The following PSMD10 variants were observed in gnomAD, a reference collection of about 807,000 sequenced individuals.
PSMD10 encodes 26S proteasome non-ATPase regulatory subunit 10.
Under a neutral mutation model 13.2 loss-of-function variants are expected in PSMD10, and 2 were observed. That is an observed-to-expected ratio of 0.15 (90% CI 0.06 to 0.48). The LOEUF (loss-of-function observed/expected upper bound fraction) is 0.48. PSMD10 is among the 20% of genes least tolerant of loss of function. The probability of loss-of-function intolerance (pLI) is 0.97; values close to 1 mark genes in which losing one functional copy is unlikely to be tolerated. For synonymous variants in PSMD10, 66 were observed against 64.4 expected (o/e 1.03, Z -0.12); for missense variants, 120 against 167.4 (o/e 0.72, Z 1.56).
In PSMD10 at chrX:108,085,566, A is replaced by G. The variant is rs2031487319; in HGVS notation, c.528-439T>C. ...CTCATTTAGTCCATATATCTATCTTATAAGTTAGCAAAGTATTATTATCAT... is the reference window on the plus strand; with the variant it reads ...CTCATTTAGTCCATATATCTATCTTGTAAGTTAGCAAAGTATTATTATCAT... On this transcript the variant is annotated intron_variant, in intron 4 of 4. Transcript: ENST00000217958. Among the ~76,000 whole-genome samples, 4 of 112,637 alleles carry G rather than the reference A, an allele frequency of 3.6e-5. No individual in the cohort carries two copies. The South Asian group carries it at 1.5e-3, about 41-fold the overall frequency.
intron 2 of PSMD10, 89 bp downstream of exon 2, chrX:108,088,663 T>G: frequency 1.1e-5 from 8 of 718,003 alleles, no homozygotes; most frequent in Non-Finnish European, 1.7e-5. Context: ...ATTTTCTTTA[T>G]AAGCTTAATG....
chrX:108,085,216 T>A, intron 4 of PSMD10, 89 bp from the exon 5 acceptor site: 1 of 873,774 alleles, frequency 1.1e-6, no homozygotes. Flanking sequence ...GAAGTGCATA[T>A]GATTAAGAAA....
At chrX:108,091,378 G>C in intron 1 of PSMD10, 29 bp downstream of exon 1, 1 of 1,186,276 alleles carries the variant, frequency 8.4e-7, no homozygotes, top group Non-Finnish European at 1.1e-6. Flanking sequence ...CGACGTCGCC[G>C]ACTGCGGAGA....
chrX:108,088,694 A>T (rs1010019712), intron 2 of PSMD10, 58 bp downstream of exon 2: 1 of 963,661 alleles, frequency 1.0e-6, no homozygotes, highest in African/African-American at 1.9e-5. Flanking sequence ...AGTAAACACC[A>T]GTCTGGAGTA....
intron 1 of PSMD10, among the ~76,000 whole-genome samples, chrX:108,091,022 A>G (rs2031597739): frequency 8.8e-6 from 1 of 113,207 alleles, no homozygotes; most frequent in Non-Finnish European, 1.9e-5. Context: ...CCGTATCCCC[A>G]GCTCCTAGCA....
intron 1 of PSMD10, 42 bp from the exon 2 acceptor site, chrX:108,088,892 CA>C: frequency 1.0e-6 from 1 of 997,276 alleles, no homozygotes; most frequent in Admixed American, 2.8e-5. Flanking sequence ...AAATAGAAGG[CA>C]AAAAAGCAAG....
At chrX:108,085,229 G>T in intron 4 of PSMD10, 102 bp from the exon 5 acceptor site, 2 of 808,436 alleles carry the variant, frequency 2.5e-6, no homozygotes, top group South Asian at 4.4e-5. Flanking sequence ...TTAAGAAATG[G>T]TAACATTGGA....
rs2031615546 is a variant in PSMD10 at position 108,091,431 on chromosome X, T to C, written c.90A>G (p.Lys30=). The change falls in exon 1 of 5, where the codon AAA becomes AAG. Residue 30 remains lysine, a synonymous_variant. Coordinates refer to ENST00000217958, the MANE Select transcript of PSMD10 (RefSeq NM_002814.4). The part of the protein sequence containing the change: ...EELKESILAD[K]SLATRTDQDS... ...CCTGGTCAGTTCTAGTAGCCAGGGA[T>C]TTATCGGCCAGAATACTCTCCTTCA... 8.3e-7 allele frequency: 1 copy of C among 1,211,103 alleles called. No individual in the cohort carries two copies. Among genetic ancestry groups the C allele is most frequent in the African/African-American group, 1.7e-5 (1 of 57,572 alleles).
At position 108,087,749 on chromosome X, in the gene PSMD10, A is replaced by G. The variant is rs2031513836; in HGVS notation, c.464T>C (p.Ile155Thr). ...TGCTTTGTAGTACAGAAGGATATGA[A>G]TCATCTTCAAGTTACCCTTGGCTGC... ...RAAAKGNLKM[I>T]HILLYYKAST... is the part of the protein sequence containing the mutation. Residue 155 changes from isoleucine to threonine, a missense_variant, in exon 4 of 5, where the codon ATT (isoleucine) becomes ACT (threonine). Transcript: ENST00000217958. 1 of 1,210,065 alleles carries G rather than the reference A, an allele frequency of 8.3e-7. No individual in the cohort carries two copies. Among genetic ancestry groups the G allele is most frequent in the Non-Finnish European group, 1.1e-6 (1 of 895,234 alleles).
At chrX:108,091,108 C>T (rs966553012) in intron 1 of PSMD10, among the ~76,000 whole-genome samples, 2 of 113,521 alleles carry the variant, frequency 1.8e-5, no homozygotes, top group South Asian at 3.5e-4. Context: ...TAAATAAATC[C>T]ATATAAAAAG....
intron 1 of PSMD10, among the ~76,000 whole-genome samples, chrX:108,090,555 C>G (rs2031577927): frequency 8.9e-6 from 1 of 112,055 alleles, no homozygotes; most frequent in Non-Finnish European, 1.9e-5. Context: ...AAAGAGAAAA[C>G]AGTCTCTTGA....
intron 1 of PSMD10, among the ~76,000 whole-genome samples, chrX:108,089,384 A>C (rs913637226): frequency 2.7e-5 from 3 of 112,067 alleles, no homozygotes; most frequent in Admixed American, 1.9e-4. Context: ...ACTGACCTCA[A>C]GTTAGATGCT....
At chrX:108,090,184 A>G (rs2031563445) in intron 1 of PSMD10, among the ~76,000 whole-genome samples, 1 of 112,237 alleles carries the variant, frequency 8.9e-6, no homozygotes, top group Non-Finnish European at 1.9e-5. Context: ...TGAGACCATT[A>G]TTACACTTAC....
At chrX:108,085,893 T>G (rs2031492024) in intron 4 of PSMD10, among the ~76,000 whole-genome samples, 1 of 111,594 alleles carries the variant, frequency 9.0e-6, no homozygotes, top group South Asian at 3.8e-4. Context: ...CTGAATTGGG[T>G]GAACATCATC....
chrX:108,087,674 C>T lies in PSMD10; in HGVS notation c.527+12G>A, dbSNP rs748362789. ...TCAGGTAGAATACAAATGACTGCTA[C>T]TTGTCACTTACAGAGGAGTGTTACC... On this transcript the variant is annotated intron_variant, in intron 4 of 4. Coordinates refer to ENST00000217958, the MANE Select transcript of PSMD10 (RefSeq NM_002814.4). 5.2e-5 allele frequency: 62 copies of T among 1,201,450 alleles called. No individual in the cohort carries two copies. In the South Asian group the frequency reaches 1.0e-3, roughly 20 times the overall value.
intron 4 of PSMD10, chrX:108,087,415 G>A: frequency 3.8e-6 from 1 of 263,436 alleles, no homozygotes; most frequent in Non-Finnish European, 6.6e-6. Flanking sequence ...TACACAGTAT[G>A]ACCCCAATTT....
rs774455777 is a variant in PSMD10 at position 108,091,358 on chromosome X, A to G, written c.114+49T>C. ...TAGGGCCGGGCCCCGAAAGCCACGTAGGGCTTCGCCGACGTCGCCGACTGC... is the reference window on the plus strand; with the variant it reads ...TAGGGCCGGGCCCCGAAAGCCACGTGGGGCTTCGCCGACGTCGCCGACTGC... On this transcript the variant is annotated intron_variant, in intron 1 of 4. Transcript: ENST00000217958. The G allele has an allele frequency of 5.3e-6, 6 of 1,134,123 alleles. No individual in the cohort carries two copies. In the East Asian group the frequency reaches 1.5e-4, roughly 28 times the overall value. 93.5% of individuals were successfully genotyped at this position (1,134,123 alleles called of 1,213,427 possible).
chrX:108,091,124 CT>C (rs1479904621), intron 1 of PSMD10, among the ~76,000 whole-genome samples: 1 of 113,593 alleles, frequency 8.8e-6, no homozygotes, highest in South Asian at 3.5e-4. Flanking sequence ...AAAAGCCTTC[CT>C]TTTCACTGAT....
intron 1 of PSMD10, among the ~76,000 whole-genome samples, chrX:108,089,661 C>T (rs1201002034): frequency 2.7e-5 from 3 of 109,836 alleles, no homozygotes; most frequent in Admixed American, 9.7e-5. Context: ...GGTGAAACTC[C>T]GTCTCTACTA....
Sources: allele counts gnomAD v4.1 joint callset (sites outside exome capture counted in the v4.1 genomes callset), GRCh38; gene constraint gnomAD v4.1.1; transcripts MANE v1.5; gene names NCBI Gene and HGNC (gene_info 2026-07-23, HGNC 2026-07-21).